The following SHC3 variants were observed in gnomAD, a reference collection of about 807,000 sequenced individuals.
The protein encoded by SHC3 is SHC adaptor protein 3, also known as SHC-transforming protein 3.
Under a neutral mutation model 60.4 loss-of-function variants are expected in SHC3, and 15 were observed. That is an observed-to-expected ratio of 0.25 (90% CI 0.17 to 0.38). SHC3 has a LOEUF of 0.38. SHC3 is among the 10% of genes least tolerant of loss of function. SHC3 has a pLI of 1.00. For missense variants in SHC3, 677 were observed against 786.1 expected, an observed-to-expected ratio of 0.86 and a Z score of 1.66; for synonymous variants, 294 against 325.9, an observed-to-expected ratio of 0.90 and a Z score of 1.05.
chr9:89,057,449 C>G (rs181201771), intron 6 of SHC3, among the ~76,000 whole-genome samples: 1 of 151,604 alleles, frequency 6.6e-6, no homozygotes, highest in Non-Finnish European at 1.5e-5. Flanking sequence ...TAGCATTTTG[C>G]ACCCATCAGA....
At position 89,132,819 on chromosome 9, in the gene SHC3, T is replaced by G. The variant is rs554187033; in HGVS notation, c.475-20193A>C. 3.3e-5 allele frequency among the ~76,000 whole-genome samples: 5 copies of G among 152,250 alleles called. No homozygotes were observed. In the East Asian group the frequency reaches 9.6e-4, roughly 29 times the overall value. ...ACCATAAAAACCCTAGAAGAAAACC[T>G]AAGCAATACCATTCAGGACATAGGC... On this transcript the variant is annotated intron_variant, in intron 1 of 11. Coordinates refer to ENST00000375835, the MANE Select transcript of SHC3 (RefSeq NM_016848.6).
intron 1 of SHC3, among the ~76,000 whole-genome samples, chr9:89,135,821 A>C (rs1826311078): frequency 6.6e-6 from 1 of 152,206 alleles, no homozygotes; most frequent in Non-Finnish European, 1.5e-5. Context: ...CATATACTGG[A>C]ATCAGCTAGC....
At chr9:89,119,092 T>C (rs1564158066) in intron 1 of SHC3, among the ~76,000 whole-genome samples, 1 of 152,108 alleles carries the variant, frequency 6.6e-6, no homozygotes, top group Non-Finnish European at 1.5e-5. Context: ...CGCTGTTCAG[T>C]TTTGTGGAGG....
At chr9:89,119,822 A>C (rs917159678) in intron 1 of SHC3, among the ~76,000 whole-genome samples, 6 of 152,238 alleles carry the variant, frequency 3.9e-5, no homozygotes, top group Non-Finnish European at 7.3e-5. Flanking sequence ...AACACAAAGA[A>C]ATTTCTGAAG....
intron 6 of SHC3, among the ~76,000 whole-genome samples, chr9:89,065,242 G>A (rs972352520): frequency 6.6e-6 from 1 of 152,196 alleles, no homozygotes; most frequent in Non-Finnish European, 1.5e-5. Context: ...TCTTCCAGGA[G>A]TAACCGAGGC....
intron 2 of SHC3, among the ~76,000 whole-genome samples, chr9:89,086,889 T>A (rs1411302453): frequency 6.6e-6 from 1 of 152,250 alleles, no homozygotes; most frequent in Non-Finnish European, 1.5e-5. Flanking sequence ...TTGTGCATGT[T>A]ATCTTTCAGT....
intron 9 of SHC3, 99 bp downstream of exon 9, chr9:89,045,647 C>A: frequency 1.0e-6 from 1 of 990,370 alleles, no homozygotes; most frequent in South Asian, 1.4e-5. Context: ...ATCCAGGGGT[C>A]ACTCTGTCAG....
At chr9:89,109,523 C>A in intron 2 of SHC3, 1 of 985,460 alleles carries the variant, frequency 1.0e-6, no homozygotes, top group Non-Finnish European at 1.2e-6. Flanking sequence ...ATGTTGGAAG[C>A]CAGAAGTGAC....
chr9:89,014,189 G>A (rs1381160097), intron 11 of SHC3, among the ~76,000 whole-genome samples: 5 of 152,156 alleles, frequency 3.3e-5, no homozygotes, highest in East Asian at 1.9e-4. Context: ...TACAGGCTCC[G>A]TGTTCCTGGG....
At chr9:89,110,401 C>G in intron 2 of SHC3, 1 of 985,228 alleles carries the variant, frequency 1.0e-6, no homozygotes, top group Non-Finnish European at 1.2e-6. Flanking sequence ...TTAGATTTCC[C>G]TATAAACTTC....
chr9:89,020,546 T>C (rs1200579517), intron 11 of SHC3, among the ~76,000 whole-genome samples: 2 of 152,136 alleles, frequency 1.3e-5, no homozygotes, highest in East Asian at 3.9e-4. Flanking sequence ...CAGGGACAGT[T>C]TCTGGTGCCA....
intron 1 of SHC3, among the ~76,000 whole-genome samples, chr9:89,153,852 G>C (rs1468607405): frequency 6.6e-6 from 1 of 152,240 alleles, no homozygotes; most frequent in African/African-American, 2.4e-5. Flanking sequence ...GGGTTTAACA[G>C]TAGGACTGGG....
intron 6 of SHC3, among the ~76,000 whole-genome samples, chr9:89,060,545 G>A (rs1462047915): frequency 6.6e-6 from 1 of 151,962 alleles, no homozygotes; most frequent in African/African-American, 2.4e-5. Context: ...TGCTTGGCAC[G>A]GTCAGGGTCA....
intron 2 of SHC3, among the ~76,000 whole-genome samples, chr9:89,090,702 G>A (rs1825608553): frequency 6.6e-6 from 1 of 152,312 alleles, no homozygotes; most frequent in Non-Finnish European, 1.5e-5. Flanking sequence ...AGAGAAAGGG[G>A]AGTGAGTGGC....
chr9:89,055,728 G>A (rs1244017190), intron 6 of SHC3, among the ~76,000 whole-genome samples: 2 of 152,212 alleles, frequency 1.3e-5, no homozygotes, highest in Admixed American at 6.5e-5. Context: ...TCTTTTGCAA[G>A]TTTGGAAGGA....
rs138670821 is a variant in SHC3 at position 89,098,006 on chromosome 9, A to G, written c.545+14550T>C. 5.8e-3 allele frequency among the ~76,000 whole-genome samples: 886 copies of G among 152,346 alleles called. 5 individuals carry two copies. The highest frequency in any genetic ancestry group is 9.9e-3 in the Non-Finnish European group (676 of 68,032). ...TCTTAATTAAATCATCAAAGTTGGC[A>G]TCATCAATATTGGGCCACAGTGACA... On this transcript the variant is annotated intron_variant, in intron 2 of 11. Transcript: ENST00000375835.
At chr9:89,095,253 G>A (rs904064654) in intron 2 of SHC3, among the ~76,000 whole-genome samples, 20 of 152,198 alleles carry the variant, frequency 1.3e-4, no homozygotes, top group Non-Finnish European at 2.8e-4. Context: ...ACAAAATGTG[G>A]TCCATGCAGA....
chr9:89,153,440 C>T (rs569589019), intron 1 of SHC3, among the ~76,000 whole-genome samples: 1 of 152,310 alleles, frequency 6.6e-6, no homozygotes, highest in African/African-American at 2.4e-5. Flanking sequence ...TCACTCACAG[C>T]GTTTCATCCA....
At chr9:89,071,049 A>T in intron 5 of SHC3, 150 bp downstream of exon 5, 1 of 636,792 alleles carries the variant, frequency 1.6e-6, no homozygotes, top group Non-Finnish European at 2.6e-6. Context: ...ACGATGGCCA[A>T]GAAGATCTTC....
Sources: allele counts gnomAD v4.1 joint callset (sites outside exome capture counted in the v4.1 genomes callset), GRCh38; gene constraint gnomAD v4.1.1; transcripts MANE v1.5; gene names NCBI Gene and HGNC (gene_info 2026-07-23, HGNC 2026-07-21).